The following CEP128 variants were observed in gnomAD, a reference collection of about 807,000 sequenced individuals.
The protein encoded by CEP128 is centrosomal protein 128, also known as centrosomal protein 128kDa.
A neutral mutation model predicts 156.7 loss-of-function variants in CEP128; 132 were observed. The ratio of observed to expected loss-of-function variants is 0.84; its 90% CI spans 0.73 to 0.97. The LOEUF is 0.97. Ranked by LOEUF, CEP128 falls within the 50% of genes least tolerant of loss-of-function variation. The pLI, the probability that CEP128 is intolerant of heterozygous loss-of-function variation, is 0.00. For synonymous variants in CEP128, 469 were observed against 448.9 expected, an observed-to-expected ratio of 1.04 and a Z score of -0.57; for missense variants, 1,252 against 1,281.9, an observed-to-expected ratio of 0.98 and a Z score of 0.36.
At chr14:80,777,615 C>T (rs1900864601) in intron 16 of CEP128, among the ~76,000 whole-genome samples, 1 of 152,112 alleles carries the variant, frequency 6.6e-6, no homozygotes, top group African/African-American at 2.4e-5. Flanking sequence ...AACCATCATT[C>T]CTTTTTTTCT....
intron 19 of CEP128, among the ~76,000 whole-genome samples, chr14:80,696,249 G>T (rs1159750959): frequency 2.0e-5 from 3 of 152,100 alleles, no homozygotes; most frequent in African/African-American, 4.8e-5. Flanking sequence ...CATAAGACAA[G>T]TAGTATATAA....
At chr14:80,793,170 A>G (rs1901811864) in intron 13 of CEP128, 60 bp from the exon 14 acceptor site, 2 of 1,283,438 alleles carry the variant, frequency 1.6e-6, no homozygotes, top group East Asian at 2.3e-5. Flanking sequence ...GATGTGTAGC[A>G]TATCATCAAA....
chr14:80,832,592 G>C (rs1885865114), intron 12 of CEP128, among the ~76,000 whole-genome samples: 1 of 152,140 alleles, frequency 6.6e-6, no homozygotes, highest in South Asian at 2.1e-4. Context: ...CAGTAAAAGG[G>C]ATTAGCTCTG....
intron 20 of CEP128, among the ~76,000 whole-genome samples, chr14:80,571,044 C>T (rs1487475321): frequency 6.6e-6 from 1 of 152,110 alleles, no homozygotes; most frequent in Non-Finnish European, 1.5e-5. Flanking sequence ...CTGGGTCTGA[C>T]ATCAGGACAG....
At chr14:80,872,099 CATTTTT>C (rs1888056379) in intron 8 of CEP128, among the ~76,000 whole-genome samples, 1 of 152,092 alleles carries the variant, frequency 6.6e-6, no homozygotes, top group Non-Finnish European at 1.5e-5. Context: ...TCCATGTTTA[CATTTTT>C]ATTTTTAATA....
chr14:80,779,143 G>C (rs1427265494), intron 15 of CEP128, among the ~76,000 whole-genome samples: 2 of 152,174 alleles, frequency 1.3e-5, no homozygotes, highest in Non-Finnish European at 2.9e-5. Flanking sequence ...ACCAGTTGCT[G>C]ACAGTCTGTA....
At position 80,723,995 on chromosome 14, in the gene CEP128, G is replaced by GA. The variant is rs566426005; in HGVS notation, c.2806+19079dup. Among the ~76,000 whole-genome samples, 298 of 151,908 alleles carry GA rather than the reference G, an allele frequency of 2.0e-3. 1 individual carries two copies. Among genetic ancestry groups the GA allele is most frequent in the African/African-American group, 6.9e-3 (284 of 41,178 alleles). ...CCAGAGGGGTTGAAGTTAGCTTGTA[G>GA]AAACAGAACAGTTAAAAGATTAAAA... On this transcript the variant is annotated intron_variant, in intron 19 of 24. Transcript: ENST00000555265.
chr14:80,870,922 T>C (rs1041013856), intron 8 of CEP128, among the ~76,000 whole-genome samples: 12 of 150,914 alleles, frequency 8.0e-5, no homozygotes, highest in East Asian at 3.9e-4. Flanking sequence ...AAATTAAACA[T>C]ACAAGAATCA....
At chr14:80,744,035 T>A (rs1244302225) in intron 18 of CEP128, among the ~76,000 whole-genome samples, 2 of 151,908 alleles carry the variant, frequency 1.3e-5, no homozygotes, top group Non-Finnish European at 2.9e-5. Flanking sequence ...CATGTCTGGC[T>A]AACTGTTTTT....
intron 22 of CEP128, among the ~76,000 whole-genome samples, chr14:80,527,896 T>G (rs1889052367): frequency 6.6e-6 from 1 of 152,124 alleles, no homozygotes; most frequent in South Asian, 2.1e-4. Context: ...CCTCTTCATT[T>G]CTTGGGGGAA....
At position 80,839,124 on chromosome 14, in the gene CEP128, T is replaced by C. The variant is rs575629278; in HGVS notation, c.850-846A>G. Among the ~76,000 whole-genome samples, 68 of 152,312 alleles carry C rather than the reference T, an allele frequency of 4.5e-4. 1 individual carries two copies. The highest frequency in any genetic ancestry group is 1.6e-3 in the African/African-American group (68 of 41,566). On this transcript the variant is annotated intron_variant, in intron 10 of 24. Transcript: ENST00000555265. Reference sequence around the variant, plus strand: ...AAAAAAATGTGACCAGTTAAGTGACTAAATATTCTACAAACTCCTAACATG... The same window carrying C: ...AAAAAAATGTGACCAGTTAAGTGACCAAATATTCTACAAACTCCTAACATG...
At chr14:80,647,309 T>C (rs79548659) in intron 19 of CEP128, among the ~76,000 whole-genome samples, 3,622 of 151,850 alleles carry the variant, frequency 0.024, 163 homozygotes, top group African/African-American at 0.081. Flanking sequence ...TTCACTCAGC[T>C]TGTTTTCTCT....
chr14:80,808,867 C>T (rs1309159609), intron 13 of CEP128, among the ~76,000 whole-genome samples: 1 of 152,108 alleles, frequency 6.6e-6, no homozygotes, highest in Non-Finnish European at 1.5e-5. Flanking sequence ...AGGAAACATT[C>T]CTCCCCTATG....
chr14:80,822,487 T>C (rs1885241909), intron 13 of CEP128: 2 of 591,100 alleles, frequency 3.4e-6, no homozygotes, highest in East Asian at 4.0e-5. Flanking sequence ...CGTGCACCAC[T>C]GCATCCCGCG....
chr14:80,607,662 C>T (rs1892839978), intron 19 of CEP128, among the ~76,000 whole-genome samples: 1 of 152,054 alleles, frequency 6.6e-6, no homozygotes, highest in Non-Finnish European at 1.5e-5. Flanking sequence ...AGTAAGAACA[C>T]TTAGGTCTAG....
At chr14:80,881,908 T>A (rs1191323670) in intron 8 of CEP128, among the ~76,000 whole-genome samples, 1 of 152,018 alleles carries the variant, frequency 6.6e-6, no homozygotes, top group African/African-American at 2.4e-5. Flanking sequence ...GCAACTATCA[T>A]CCCAAATGAG....
intron 2 of CEP128, chr14:80,955,863 G>C: frequency 6.2e-7 from 1 of 1,614,108 alleles, no homozygotes; most frequent in South Asian, 1.1e-5. Flanking sequence ...GAGTACCCGG[G>C]AGAGATCAGG....
chr14:80,860,982 T>G (rs934910079), intron 9 of CEP128, among the ~76,000 whole-genome samples: 1 of 152,018 alleles, frequency 6.6e-6, no homozygotes, highest in Non-Finnish European at 1.5e-5. Context: ...CTTTTTATAT[T>G]TTATGTATAG....
intron 2 of CEP128, chr14:80,955,699 C>CTGCA (rs773584994): frequency 1.2e-6 from 2 of 1,614,130 alleles, no homozygotes; most frequent in Non-Finnish European, 1.7e-6. Context: ...GGCGGACTTG[C>CTGCA]TGCAGCTGGT....
Sources: gnomAD v4.1 joint callset for allele counts (sites outside exome capture counted in the v4.1 genomes callset) on GRCh38, gnomAD v4.1.1 for gene constraint, MANE v1.5 for transcripts, NCBI Gene and HGNC (gene_info 2026-07-23, HGNC 2026-07-21) for gene names.